The following CYTH1 variants were observed in gnomAD, a reference collection of about 807,000 sequenced individuals.
CYTH1 encodes cytohesin 1.
In CYTH1, 18 loss-of-function variants were observed where a neutral mutation model predicts 61.8. The observed-to-expected ratio is 0.29, with a 90% CI of 0.20 to 0.43. The LOEUF (loss-of-function observed/expected upper bound fraction) is 0.43, where lower values mean the gene tolerates loss of function less well. CYTH1 is among the 20% of genes least tolerant of loss of function. The pLI, the probability that CYTH1 is intolerant of heterozygous loss-of-function variation, is 1.00. For missense variants in CYTH1, 336 were observed against 510.5 expected (o/e 0.66, Z 3.29); for synonymous variants, 174 against 184.3 (o/e 0.94, Z 0.45).
In CYTH1 at chr17:78,717,267, G is replaced by A. The variant is rs183422840; in HGVS notation, c.23-7535C>T. On this transcript the variant is annotated intron_variant, in intron 1 of 13. Coordinates refer to ENST00000446868, the MANE Select transcript of CYTH1 (RefSeq NM_004762.6). This position sits in a 1 kb window ranked among gnomAD's most constrained non-coding sequence, Gnocchi z 4.4. Reference sequence around the variant, plus strand: ...GCCCTGACACACCACCCGGTCGCTCGCCCTCCTCGCCCATTGCCAGAGGGG... The same window carrying A: ...GCCCTGACACACCACCCGGTCGCTCACCCTCCTCGCCCATTGCCAGAGGGG... 2.6e-5 allele frequency among the ~76,000 whole-genome samples: 4 copies of A among 152,138 alleles called. No individual in the cohort carries two copies. Among genetic ancestry groups the A allele is most frequent in the East Asian group, 1.9e-4 (1 of 5,194 alleles).
At chr17:78,721,429 G>A (rs980560827) in intron 1 of CYTH1, among the ~76,000 whole-genome samples, 1 of 152,244 alleles carries the variant, frequency 6.6e-6, no homozygotes, top group Non-Finnish European at 1.5e-5. Context: ...AGAGGCAGAG[G>A]TGCCTTCCGG....
chr17:78,779,983 C>T (rs1798757685), intron 1 of CYTH1, among the ~76,000 whole-genome samples: 1 of 152,250 alleles, frequency 6.6e-6, no homozygotes, highest in South Asian at 2.1e-4. Context: ...GCAAAGCAGT[C>T]ACTGTATTAA....
intron 1 of CYTH1, among the ~76,000 whole-genome samples, chr17:78,730,354 T>A (rs1238280878): frequency 7.7e-6 from 1 of 130,716 alleles, no homozygotes; most frequent in Non-Finnish European, 1.6e-5. Flanking sequence ...TGAAACCCCA[T>A]CTCTACTAAA....
chr17:78,676,297 G>T, intron 13 of CYTH1, 128 bp from the exon 14 acceptor site: 1 of 824,320 alleles, frequency 1.2e-6, no homozygotes, highest in Non-Finnish European at 1.9e-6. Context: ...TCACTGCAAA[G>T]GCCAAGTTAG....
At chr17:78,755,490 T>TGAAAAA (rs1598911765) in intron 1 of CYTH1, among the ~76,000 whole-genome samples, 2 of 2,514 alleles carry the variant, frequency 8.0e-4, no homozygotes, top group Non-Finnish European at 1.3e-3. Context: ...GTGGGTTTAT[T>TGAAAAA]TAAAAAAAAA....
chr17:78,740,184 C>A (rs546370190), intron 1 of CYTH1, among the ~76,000 whole-genome samples: 4 of 152,180 alleles, frequency 2.6e-5, no homozygotes, highest in Non-Finnish European at 4.4e-5. Context: ...GATCCACCCA[C>A]CTTGGCCTCC....
At chr17:78,759,668 T>C (rs1213249863) in intron 1 of CYTH1, among the ~76,000 whole-genome samples, 1 of 152,242 alleles carries the variant, frequency 6.6e-6, no homozygotes, top group African/African-American at 2.4e-5. Context: ...CCAAGCGGAA[T>C]ACTGAATGGC....
intron 13 of CYTH1, chr17:78,677,713 T>C (rs1467619087): frequency 2.0e-5 from 3 of 152,246 alleles, no homozygotes; most frequent in Non-Finnish European, 4.4e-5. Context: ...GAAAAGCACT[T>C]CGTGAGAGGA....
intron 1 of CYTH1, among the ~76,000 whole-genome samples, chr17:78,772,214 A>AT (rs2093474160): frequency 6.6e-6 from 1 of 152,188 alleles, no homozygotes; most frequent in Non-Finnish European, 1.5e-5. Context: ...GTGTGGAACA[A>AT]TAACAGGAAA....
intron 1 of CYTH1, among the ~76,000 whole-genome samples, chr17:78,732,150 T>G (rs1048641576): frequency 3.3e-5 from 5 of 152,204 alleles, no homozygotes; most frequent in Admixed American, 1.3e-4. Context: ...CGCTGCAGGC[T>G]GATAAAGGCT....
intron 1 of CYTH1, among the ~76,000 whole-genome samples, chr17:78,744,993 T>C (rs889133411): frequency 6.6e-6 from 1 of 152,194 alleles, no homozygotes; most frequent in Non-Finnish European, 1.5e-5. Flanking sequence ...TCTTATTTAG[T>C]TTCTATCAAG....
At chr17:78,696,736 TA>T (rs1293212114) in intron 9 of CYTH1, 1 of 152,310 alleles carries the variant, frequency 6.6e-6, no homozygotes, top group Non-Finnish European at 1.5e-5. Context: ...CATCCTGGTC[TA>T]AGAACCAAGA....
At chr17:78,749,739 G>GA (rs2093372573) in intron 1 of CYTH1, among the ~76,000 whole-genome samples, 1 of 151,760 alleles carries the variant, frequency 6.6e-6, no homozygotes, top group Admixed American at 6.6e-5. Flanking sequence ...GGTGGTTTCA[G>GA]AAAAAAAGAA....
chr17:78,683,510 C>T (rs941070607), intron 11 of CYTH1, among the ~76,000 whole-genome samples: 1 of 152,192 alleles, frequency 6.6e-6, no homozygotes. Context: ...AGAGAAGTTT[C>T]CCACTCTGTC....
intron 1 of CYTH1, among the ~76,000 whole-genome samples, chr17:78,763,615 GAAC>G (rs1211658582): frequency 2.6e-5 from 4 of 152,034 alleles, no homozygotes; most frequent in Admixed American, 6.6e-5. Context: ...AAATAATAAA[GAAC>G]AATAAGTTGT....
chr17:78,714,031 T>C (rs1306661667), intron 1 of CYTH1, among the ~76,000 whole-genome samples: 1 of 152,254 alleles, frequency 6.6e-6, no homozygotes, highest in Non-Finnish European at 1.5e-5. Context: ...GGTCCACGCC[T>C]GTAATCCTAG....
At chr17:78,779,540 T>C (rs1174418443) in intron 1 of CYTH1, among the ~76,000 whole-genome samples, 1 of 152,138 alleles carries the variant, frequency 6.6e-6, no homozygotes, top group Admixed American at 6.6e-5. Flanking sequence ...TTACCTTACA[T>C]GGCAGAAGGG....
intron 1 of CYTH1, among the ~76,000 whole-genome samples, chr17:78,741,060 T>C (rs1018364198): frequency 2.6e-5 from 4 of 152,136 alleles, no homozygotes; most frequent in Non-Finnish European, 5.9e-5. Flanking sequence ...ATCAACAAAG[T>C]AGAAGAAAAC....
Position 78,702,532 on chromosome 17 carries a change from A to C in CYTH1, c.237+6T>G, listed in dbSNP as rs762243261. 3 of 1,613,686 alleles carry C rather than the reference A, an allele frequency of 1.9e-6. No individual in the cohort carries two copies. The highest frequency in any genetic ancestry group is 2.5e-6 in the Non-Finnish European group (3 of 1,179,884). On this transcript the variant is annotated splice_donor_region_variant and intron_variant, in intron 4 of 13. Coordinates refer to ENST00000446868, the MANE Select transcript of CYTH1 (RefSeq NM_004762.6). ...ATGGACCACTTCCCGCTTCTTTCTC[A>C]CTTACCTTTTTAGGGTCCATATTAA...
Sources: gnomAD v4.1 joint callset for allele counts (sites outside exome capture counted in the v4.1 genomes callset) on GRCh38, gnomAD v4.1.1 for gene constraint, Gnocchi (gnomAD v3.1) non-coding constraint, MANE v1.5 for transcripts, NCBI Gene and HGNC (gene_info 2026-07-23, HGNC 2026-07-21) for gene names.